The following PTGER3 variants were observed in gnomAD, a reference collection of about 807,000 sequenced individuals.
PTGER3 encodes prostaglandin E2 receptor EP3 subtype.
Under a neutral mutation model 34.7 loss-of-function variants are expected in PTGER3, and 22 were observed. The observed-to-expected ratio is 0.63, with a 90% CI of 0.45 to 0.91. PTGER3 has a LOEUF of 0.91. PTGER3 is among the 40% of genes least tolerant of loss of function. The pLI, the probability that PTGER3 is intolerant of heterozygous loss-of-function variation, is 0.00. For missense variants in PTGER3, 468 were observed against 519.4 expected (o/e 0.90, Z 0.96); for synonymous variants, 241 against 230.1 (o/e 1.05, Z -0.43).
At chr1:71,012,037 T>C (rs1657492479) in intron 2 of PTGER3, 2 of 1,419,728 alleles carry the variant, frequency 1.4e-6, no homozygotes, top group East Asian at 2.5e-5. Flanking sequence ...TTCCTTTGTT[T>C]GTGTTTCACT....
intron 4 of PTGER3, among the ~76,000 whole-genome samples, chr1:70,926,594 G>A (rs188583048): frequency 6.6e-6 from 1 of 152,244 alleles, no homozygotes; most frequent in African/African-American, 2.4e-5. Flanking sequence ...AGGCAATGGG[G>A]TTTTCTAGAT....
intron 1 of PTGER3, among the ~76,000 whole-genome samples, chr1:71,031,167 A>AT (rs1402035599): frequency 6.6e-6 from 1 of 151,600 alleles, no homozygotes; most frequent in East Asian, 1.9e-4. Context: ...AAGTCCTTTT[A>AT]TTTTTTGTGG....
At chr1:70,912,475 T>C (rs1455027404) in intron 4 of PTGER3, among the ~76,000 whole-genome samples, 1 of 152,050 alleles carries the variant, frequency 6.6e-6, no homozygotes, top group African/African-American at 2.4e-5. Flanking sequence ...AAAGAGTTTG[T>C]TTTTCATTGC....
downstream of PTGER3, among the ~76,000 whole-genome samples, chr1:70,970,154 C>A (rs1388166322): frequency 2.0e-5 from 3 of 152,076 alleles, no homozygotes; most frequent in Non-Finnish European, 4.4e-5. Flanking sequence ...AAAACTTGAA[C>A]CTGAATTTGA....
intron 4 of PTGER3, among the ~76,000 whole-genome samples, chr1:70,916,581 G>A (rs995912657): frequency 6.6e-6 from 1 of 151,976 alleles, no homozygotes; most frequent in Admixed American, 6.6e-5. Context: ...TTCCTTTGCA[G>A]CAACTGTTTG....
intron 1 of PTGER3, among the ~76,000 whole-genome samples, chr1:71,033,322 G>A (rs1318658346): frequency 3.9e-5 from 6 of 152,128 alleles, no homozygotes; most frequent in Non-Finnish European, 5.9e-5. Flanking sequence ...AGTTGTCACC[G>A]CCTCTTACCT....
chr1:70,901,539 C>T (rs1311971567), intron 4 of PTGER3, among the ~76,000 whole-genome samples: 1 of 152,110 alleles, frequency 6.6e-6, no homozygotes, highest in Non-Finnish European at 1.5e-5. Flanking sequence ...CTGATTTATC[C>T]ACCTTTTTGG....
intron 4 of PTGER3, among the ~76,000 whole-genome samples, chr1:70,945,910 T>C (rs780188631): frequency 5.9e-5 from 9 of 152,078 alleles, no homozygotes; most frequent in Non-Finnish European, 1.3e-4. Flanking sequence ...CAAAATAGTA[T>C]TGAAGTAAGA....
chr1:70,956,065 A>T (rs1226749861), intron 2 of PTGER3, among the ~76,000 whole-genome samples: 1 of 152,172 alleles, frequency 6.6e-6, no homozygotes, highest in Non-Finnish European at 1.5e-5. Flanking sequence ...GAAAGAGTTA[A>T]TTTTTTGTAT....
chr1:70,966,949 T>C (rs935123991), downstream of PTGER3, among the ~76,000 whole-genome samples: 1 of 152,116 alleles, frequency 6.6e-6, no homozygotes, highest in African/African-American at 2.4e-5. Flanking sequence ...ATTTCTATTT[T>C]GGGGGTATAT....
chr1:71,046,262 G>A (rs904980412), intron 1 of PTGER3, among the ~76,000 whole-genome samples: 1 of 143,428 alleles, frequency 7.0e-6, no homozygotes, highest in Non-Finnish European at 1.5e-5. Context: ...CTCCAGCCTG[G>A]GTGACAGAGC....
chr1:70,875,842 A>G (rs1010858961), intron 4 of PTGER3, among the ~76,000 whole-genome samples: 5 of 152,070 alleles, frequency 3.3e-5, no homozygotes, highest in African/African-American at 1.2e-4. Flanking sequence ...ATATCCATCC[A>G]TGGGCATTTA....
At chr1:70,973,856 C>A (rs912009252) in intron 3 of PTGER3, among the ~76,000 whole-genome samples, 8 of 152,122 alleles carry the variant, frequency 5.3e-5, no homozygotes, top group Non-Finnish European at 1.2e-4. Context: ...TTTTAGAGTA[C>A]TCATTCATTG....
At chr1:71,026,571 A>G (rs565578214) in intron 1 of PTGER3, among the ~76,000 whole-genome samples, 1 of 152,052 alleles carries the variant, frequency 6.6e-6, no homozygotes, top group South Asian at 2.1e-4. Flanking sequence ...TAATGTGTTC[A>G]TCTTCCGTGT....
chr1:71,011,934 C>A, intron 2 of PTGER3: 4 of 1,223,024 alleles, frequency 3.3e-6, no homozygotes, highest in Non-Finnish European at 4.1e-6. Flanking sequence ...AGACCAAGAT[C>A]ATTTATAAAA....
intron 4 of PTGER3, chr1:70,884,051 C>A: frequency 2.5e-6 from 1 of 401,656 alleles, no homozygotes; most frequent in Non-Finnish European, 4.9e-6. Flanking sequence ...CACTCCACTG[C>A]ACTCCAGTCT....
At chr1:70,863,100 AT>A (rs1194595811) in intron 4 of PTGER3, among the ~76,000 whole-genome samples, 1 of 151,810 alleles carries the variant, frequency 6.6e-6, no homozygotes, top group Non-Finnish European at 1.5e-5. Flanking sequence ...GAAAGAGATG[AT>A]GGGCCATAAC....
At chr1:71,036,425 G>A (rs2100973469) in intron 1 of PTGER3, among the ~76,000 whole-genome samples, 1 of 152,296 alleles carries the variant, frequency 6.6e-6, no homozygotes, top group East Asian at 1.9e-4. Flanking sequence ...GCTGAGGCTG[G>A]AGGATCACTT....
At chr1:71,011,891 G>A (rs188286815) in intron 2 of PTGER3, 21 of 1,121,928 alleles carry the variant, frequency 1.9e-5, no homozygotes, top group South Asian at 2.6e-5. Flanking sequence ...TGTATTCAGT[G>A]TACTGGAATA....
Sources: allele counts gnomAD v4.1 joint callset (sites outside exome capture counted in the v4.1 genomes callset), GRCh38; gene constraint gnomAD v4.1.1; transcripts MANE v1.5; gene names NCBI Gene and HGNC (gene_info 2026-07-23, HGNC 2026-07-21).